The following MARCHF8 variants were observed in gnomAD, a reference collection of about 807,000 sequenced individuals.
The protein encoded by MARCHF8 is membrane associated ring-CH-type finger 8, also known as E3 ubiquitin-protein ligase MARCHF8.
In MARCHF8, 40 loss-of-function variants were observed where a neutral mutation model predicts 51.6. The observed-to-expected ratio is 0.77, with a 90% confidence interval of 0.60 to 1.01. MARCHF8 has a LOEUF of 1.01. MARCHF8 is among the 50% of genes least tolerant of loss of function. MARCHF8 has a pLI of 0.00. For synonymous variants in MARCHF8, 263 were observed against 280.3 expected (o/e 0.94, Z 0.62); for missense variants, 685 against 708.6 (o/e 0.97, Z 0.38).
chr10:45,539,829 A>G (rs1295738672), upstream of MARCHF8, among the ~76,000 whole-genome samples: 1 of 152,232 alleles, frequency 6.6e-6, no homozygotes, highest in East Asian at 1.9e-4. Context: ...AAATCTCCTT[A>G]AGCTGATAAG....
At chr10:45,555,028 T>TG (rs1272731445) in intron 1 of MARCHF8, among the ~76,000 whole-genome samples, 1 of 151,828 alleles carries the variant, frequency 6.6e-6, no homozygotes, top group Non-Finnish European at 1.5e-5. Flanking sequence ...CATTCCAGCC[T>TG]GGGCGACAGA....
chr10:45,463,994 G>C lies in MARCHF8; in HGVS notation c.245C>G (p.Ser82Cys). Residue 82 changes from serine (S) to cysteine (C), a missense_variant and splice_region_variant, in exon 5 of 8, where the codon TCC becomes TGC. Coordinates refer to ENST00000453424, the MANE Select transcript of MARCHF8 (RefSeq NM_001282866.2). ...ITPSSQDICS[S>C]SAVFSECCHH... ...ACAACACTCAGAAAACACTGCACTGGAACTGCATGCAGAACAGTGGGATAA... is the reference window on the plus strand; with the variant it reads ...ACAACACTCAGAAAACACTGCACTGCAACTGCATGCAGAACAGTGGGATAA... The C allele has an allele frequency of 2.0e-6, 3 of 1,533,880 alleles. No individual in the cohort carries two copies. The highest frequency in any genetic ancestry group is 2.6e-6 in the Non-Finnish European group (3 of 1,145,898).
chr10:45,518,343 G>A (rs943367910), intron 2 of MARCHF8, among the ~76,000 whole-genome samples: 3 of 152,242 alleles, frequency 2.0e-5, no homozygotes, highest in Middle Eastern at 3.4e-3. Flanking sequence ...GACACAGAAC[G>A]CAGTTTGCAG....
intron 1 of MARCHF8, among the ~76,000 whole-genome samples, chr10:45,544,216 A>G (rs1278427014): frequency 6.6e-6 from 1 of 152,270 alleles, no homozygotes; most frequent in East Asian, 1.9e-4. Context: ...TCAAAAAGAC[A>G]GTCAATACTA....
intron 1 of MARCHF8, among the ~76,000 whole-genome samples, chr10:45,584,006 CAA>C (rs67624741): frequency 7.5e-5 from 4 of 53,044 alleles, no homozygotes; most frequent in Admixed American, 4.3e-4. Flanking sequence ...ACTTCATTTC[CAA>C]AAAAAAAAAA....
At chr10:45,571,713 T>C (rs1027026346) in intron 1 of MARCHF8, among the ~76,000 whole-genome samples, 2 of 152,282 alleles carry the variant, frequency 1.3e-5, no homozygotes, top group Non-Finnish European at 2.9e-5. Context: ...CAATTTTAAA[T>C]TGGGTAAGCG....
chr10:45,508,654 C>A (rs1301505552), intron 2 of MARCHF8, among the ~76,000 whole-genome samples: 1 of 152,152 alleles, frequency 6.6e-6, no homozygotes, highest in African/African-American at 2.4e-5. Context: ...CCACTCCAGA[C>A]TTACTAGATC....
chr10:45,483,220 A>G (rs908020348), intron 3 of MARCHF8, among the ~76,000 whole-genome samples: 1 of 152,230 alleles, frequency 6.6e-6, no homozygotes, highest in Non-Finnish European at 1.5e-5. Context: ...TGAATGACAG[A>G]AAACATGTGA....
rs184824101 is a variant in MARCHF8 at position 45,454,900 on chromosome 10, C to T, written c.*3339G>A. ...ATTACTTCCAAGACAAAGATAAATGCTTTTATTTCCCTATGTTTTGGTCTT... is the reference window on the plus strand; with the variant it reads ...ATTACTTCCAAGACAAAGATAAATGTTTTTATTTCCCTATGTTTTGGTCTT... On this transcript the variant is annotated 3_prime_UTR_variant, in exon 8 of 8. Transcript: ENST00000453424. The T allele has an allele frequency of 2.0e-5, 3 of 152,366 alleles. No homozygotes were observed. The highest frequency in any genetic ancestry group is 6.5e-5 in the Admixed American group (1 of 15,312). 9.4% of individuals were successfully genotyped at this position (152,366 alleles called of 1,614,324 possible). A position where few individuals can be genotyped will look rare whatever the true frequency, so the allele number is the denominator to read the frequency against.
chr10:45,504,640 C>T (rs1012725112), intron 2 of MARCHF8, among the ~76,000 whole-genome samples: 7 of 152,122 alleles, frequency 4.6e-5, no homozygotes, highest in Non-Finnish European at 8.8e-5. Context: ...AATCTAACAA[C>T]AAAACACCAT....
intron 3 of MARCHF8, among the ~76,000 whole-genome samples, chr10:45,472,453 C>A (rs1223104587): frequency 6.6e-6 from 1 of 152,178 alleles, no homozygotes; most frequent in South Asian, 2.1e-4. Flanking sequence ...GCCACAGGAC[C>A]TCCTTAAACT....
chr10:45,495,127 A>C (rs2043149723), intron 2 of MARCHF8, among the ~76,000 whole-genome samples: 1 of 152,122 alleles, frequency 6.6e-6, no homozygotes, highest in South Asian at 2.1e-4. Context: ...TCTCAAAAAA[A>C]AAAAAAGAAA....
intron 1 of MARCHF8, among the ~76,000 whole-genome samples, chr10:45,574,530 C>A (rs994511287): frequency 6.6e-6 from 1 of 152,194 alleles, no homozygotes; most frequent in African/African-American, 2.4e-5. Context: ...GACCCTAACA[C>A]CCATCAGGCT....
chr10:45,521,213 A>G (rs1377336110), intron 2 of MARCHF8, among the ~76,000 whole-genome samples: 1 of 152,230 alleles, frequency 6.6e-6, no homozygotes, highest in Non-Finnish European at 1.5e-5. Flanking sequence ...GAATGTGCCC[A>G]AATACCTTCA....
chr10:45,592,400 T>G lies in MARCHF8; in HGVS notation c.-79+1835A>C, dbSNP rs145840900. ...CTTGGCATCAGAACAGTCCACGGCTTTAGAAAATGTCTTGCAGTCAACCAC... is the reference window on the plus strand; with the variant it reads ...CTTGGCATCAGAACAGTCCACGGCTGTAGAAAATGTCTTGCAGTCAACCAC... On this transcript the variant is annotated intron_variant, in intron 1 of 6. Coordinates refer to the MARCHF8 transcript ENST00000319836. 6.7e-3 allele frequency among the ~76,000 whole-genome samples: 1,018 copies of G among 152,256 alleles called. 13 individuals carry two copies. The highest frequency in any genetic ancestry group is 0.023 in the African/African-American group (972 of 41,548).
At chr10:45,527,269 A>T (rs1375720219) in intron 2 of MARCHF8, among the ~76,000 whole-genome samples, 1 of 152,150 alleles carries the variant, frequency 6.6e-6, no homozygotes, top group Non-Finnish European at 1.5e-5. Flanking sequence ...AAAAGAAATG[A>T]TGAAGAGCAG....
intron 2 of MARCHF8, among the ~76,000 whole-genome samples, chr10:45,498,871 C>T (rs1435998912): frequency 6.6e-6 from 1 of 152,218 alleles, no homozygotes; most frequent in Non-Finnish European, 1.5e-5. Flanking sequence ...ACTTGTATTG[C>T]TTCCACCCTT....
At position 45,458,488 on chromosome 10, in the gene MARCHF8, G is replaced by C; in HGVS notation, c.1473C>G (p.Thr491=). The C allele has an allele frequency of 6.2e-7, 1 of 1,611,926 alleles. No homozygotes were observed. The highest frequency in any genetic ancestry group is 1.3e-5 in the African/African-American group (1 of 74,908). Residue 491 remains threonine, a synonymous_variant, in exon 8 of 8, where the codon ACC becomes ACG. Transcript: ENST00000453424. ...GAACATACATAAAAAGAAGTCCTCC[G>C]GTGAAGCCGATGGCCACAACCACCA... The part of the protein sequence containing the change: ...TKLVVVAIGF[T]GGLLFMYVQC...
chr10:45,528,374 G>A (rs1003931770), intron 2 of MARCHF8, among the ~76,000 whole-genome samples: 4 of 152,136 alleles, frequency 2.6e-5, no homozygotes, highest in Non-Finnish European at 5.9e-5. Context: ...CAAAACACTC[G>A]TAAATTTGAT....
Sources: allele counts gnomAD v4.1 joint callset (sites outside exome capture counted in the v4.1 genomes callset), GRCh38; gene constraint gnomAD v4.1.1; transcripts MANE v1.5; gene names NCBI Gene and HGNC (gene_info 2026-07-23, HGNC 2026-07-21).